IL31RA: variants seen among roughly 807,000 people sequenced by gnomAD.
IL31RA encodes the protein interleukin 31 receptor A, also known as interleukin-31 receptor subunit alpha.
Under a neutral mutation model 83.7 loss-of-function variants are expected in IL31RA, and 66 were observed. The observed-to-expected ratio is 0.79, with a 90% CI of 0.65 to 0.97. IL31RA has a LOEUF of 0.97. IL31RA is among the 50% of genes least tolerant of loss of function. The pLI is 0.00. For missense variants in IL31RA, 798 were observed against 919.4 expected, an observed-to-expected ratio of 0.87 and a Z score of 1.71; for synonymous variants, 325 against 329.0, an observed-to-expected ratio of 0.99 and a Z score of 0.13.
chr5:55,914,958 C>A, intron 14 of IL31RA, 30 bp downstream of exon 14: 1 of 1,514,280 alleles, frequency 6.6e-7, no homozygotes, highest in Non-Finnish European at 9.2e-7. Flanking sequence ...TTAAGGAAAT[C>A]ATTGCCGTGG....
rs779433847 is a variant in IL31RA, at chr5:55,908,251, T to A, written c.1355-14T>A. 1 of 1,614,008 alleles carries A rather than the reference T, an allele frequency of 6.2e-7. No individual in the cohort carries two copies. Among genetic ancestry groups the A allele is most frequent in the Admixed American group, 1.7e-5 (1 of 60,024 alleles). ...CGGTTCAGTGATTATCATTTATCCC[T>A]CTGTCCTTTCCAGTTCCATCAGAAG... On this transcript the variant is annotated splice_polypyrimidine_tract_variant and intron_variant, in intron 10 of 14. Transcript: ENST00000652347.
At chr5:55,861,672 C>G (rs766202515) in intron 2 of IL31RA, among the ~76,000 whole-genome samples, 1 of 152,170 alleles carries the variant, frequency 6.6e-6, no homozygotes, top group Non-Finnish European at 1.5e-5. Context: ...TCAGCAATTG[C>G]TCCCAGTTAT....
chr5:55,896,536 C>T (rs561102797), intron 7 of IL31RA, 107 bp downstream of exon 7: 2 of 637,804 alleles, frequency 3.1e-6, no homozygotes, highest in Non-Finnish European at 5.6e-6. Flanking sequence ...CTTCCCTTCC[C>T]TTCCCTTCCC....
chr5:55,883,179 T>A lies in IL31RA; in HGVS notation c.590T>A (p.Val197Asp), dbSNP rs150832183. 209 of 1,613,792 alleles carry A rather than the reference T, an allele frequency of 1.3e-4. No individual in the cohort carries two copies. The highest frequency in any genetic ancestry group is 1.7e-4 in the Non-Finnish European group (200 of 1,179,788). ...AAATACACACTTCGATTCAGGACAGTCAACAGTACCAGCTGGGTAAGTTAT... is the reference window on the plus strand; with the variant it reads ...AAATACACACTTCGATTCAGGACAGACAACAGTACCAGCTGGGTAAGTTAT... ...DLKYTLRFRT[V>D]NSTSWMEVNF... Residue 197 changes from valine (V) to aspartate (D), a missense_variant, in exon 5 of 15, where the codon GTC (valine) becomes GAC (aspartate). Coordinates refer to ENST00000652347, the MANE Select transcript of IL31RA (RefSeq NM_139017.7).
Position 55,918,772 on chromosome 5 carries a change from C to T in IL31RA, c.*1652C>T, listed in dbSNP as rs1749938171. ...GCTGCTCTCTCAAAGCTCTGTCCTCCTAACATCTCCAGCGGCTGCAGCCAC... is the reference window on the plus strand; with the variant it reads ...GCTGCTCTCTCAAAGCTCTGTCCTCTTAACATCTCCAGCGGCTGCAGCCAC... On this transcript the variant is annotated 3_prime_UTR_variant, in exon 15 of 15. Coordinates refer to ENST00000652347, the MANE Select transcript of IL31RA (RefSeq NM_139017.7). Among the ~76,000 whole-genome samples the T allele has an allele frequency of 6.6e-6, 1 of 152,140 alleles. No homozygotes were observed. The highest frequency in any genetic ancestry group is 1.5e-5 in the Non-Finnish European group (1 of 68,024).
chr5:55,884,989 C>A (rs1319956880), intron 5 of IL31RA, among the ~76,000 whole-genome samples: 1 of 152,068 alleles, frequency 6.6e-6, no homozygotes, highest in Admixed American at 6.6e-5. Context: ...ATAACACTTC[C>A]TTCTATACCT....
Position 55,919,159 on chromosome 5 carries a change from C to G in IL31RA, c.*2039C>G, listed in dbSNP as rs569658907. ...TTCTAGCCTTGCCTCCTGTCTTGGC[C>G]CGAGGATGGGGGAGGGCACGGGTAC... On this transcript the variant is annotated 3_prime_UTR_variant, in exon 15 of 15. Transcript: ENST00000652347. 1.3e-4 allele frequency among the ~76,000 whole-genome samples: 20 copies of G among 152,216 alleles called. No individual in the cohort carries two copies. The highest frequency in any genetic ancestry group is 2.4e-4 in the Non-Finnish European group (16 of 68,028).
rs1749948802 is a variant in IL31RA, at chr5:55,918,881, G to A, written c.*1761G>A. Among the ~76,000 whole-genome samples the A allele has an allele frequency of 6.6e-6, 1 of 152,166 alleles. No homozygotes were observed. The highest frequency in any genetic ancestry group is 2.4e-5 in the African/African-American group (1 of 41,424). On this transcript the variant is annotated 3_prime_UTR_variant, in exon 15 of 15. Coordinates refer to ENST00000652347, the MANE Select transcript of IL31RA (RefSeq NM_139017.7). ...ACACCAAGGAATGAGGGAGGCCCGA[G>A]GCAGGGCACTGGGGAATAAGACTCT...
intron 2 of IL31RA, among the ~76,000 whole-genome samples, chr5:55,862,132 A>G (rs1745725848): frequency 6.6e-6 from 1 of 152,208 alleles, no homozygotes; most frequent in South Asian, 2.1e-4. Context: ...AGGGAAAGAA[A>G]GATGGGAGTG....
In IL31RA at chr5:55,903,790, G is replaced by A. The variant is rs1440374336; in HGVS notation, c.1070-2316G>A. On this transcript the variant is annotated intron_variant, in intron 8 of 14. Transcript: ENST00000652347. The surrounding 1 kb of genome is among the most constrained non-coding windows in gnomAD (Gnocchi z 4.7). ...AGCAGGCCAGGACAGGGCAGAGGCT[G>A]AGATGAAGGTGGGCTTTCAGGGCTG... 1.3e-5 allele frequency among the ~76,000 whole-genome samples: 2 copies of A among 152,232 alleles called. No individual in the cohort carries two copies. Among genetic ancestry groups the A allele is most frequent in the Non-Finnish European group, 2.9e-5 (2 of 68,040 alleles).
At chr5:55,845,133 T>C in the IL31RA span, among the ~76,000 whole-genome samples, 1 of 152,242 alleles carries the variant, frequency 6.6e-6, no homozygotes, top group Non-Finnish European at 1.5e-5. Flanking sequence ...TTTGTCTCTT[T>C]AAACTGTGTT....
intron 7 of IL31RA, among the ~76,000 whole-genome samples, chr5:55,899,610 C>T (rs192479882): frequency 6.6e-5 from 10 of 152,312 alleles, no homozygotes; most frequent in Admixed American, 3.9e-4. Context: ...CTCCTTTACA[C>T]GAGTGGGATG....
At chr5:55,847,992 C>T (rs1194957709), upstream of IL31RA, among the ~76,000 whole-genome samples, 3 of 152,156 alleles carry the variant, frequency 2.0e-5, no homozygotes, top group African/African-American at 7.2e-5. Context: ...GGAAAGAAAC[C>T]ACAAAGATGA....
chr5:55,918,914 T>C lies in IL31RA; in HGVS notation c.*1794T>C, dbSNP rs1749950276. On this transcript the variant is annotated 3_prime_UTR_variant, in exon 15 of 15. Transcript: ENST00000652347. ...ACTGGGGAATAAGACTCTAGGGCAATGCCCCTGTCCCGTTGTCCTGCACTC... is the reference window on the plus strand; with the variant it reads ...ACTGGGGAATAAGACTCTAGGGCAACGCCCCTGTCCCGTTGTCCTGCACTC... Among the ~76,000 whole-genome samples the C allele has an allele frequency of 6.6e-6, 1 of 152,074 alleles. No homozygotes were observed. Among genetic ancestry groups the C allele is most frequent in the Non-Finnish European group, 1.5e-5 (1 of 68,000 alleles).
At chr5:55,858,212 T>G (rs1248173623) in intron 1 of IL31RA, among the ~76,000 whole-genome samples, 1 of 152,212 alleles carries the variant, frequency 6.6e-6, no homozygotes, top group African/African-American at 2.4e-5. Flanking sequence ...TAGCATCTAT[T>G]ATTATTCATT....
chr5:55,888,339 C>T (rs1482573781), intron 5 of IL31RA, among the ~76,000 whole-genome samples: 2 of 152,134 alleles, frequency 1.3e-5, no homozygotes, highest in African/African-American at 4.8e-5. Flanking sequence ...GCCTTACAGG[C>T]ACCTTGATTA....
chr5:55,913,510 T>C lies in IL31RA; in HGVS notation c.1676T>C (p.Ile559Thr). The part of the protein sequence containing the change: ...VFEIILITSL[I>T]GGGLLILIIL... ...GAGATTATCCTCATAACTTCTCTGA[T>C]TGGTGGAGGCCTTCTTATTCTCATT... The change falls in exon 13 of 15, where the codon ATT becomes ACT. Residue 559 changes from isoleucine to threonine, a missense_variant. Transcript: ENST00000652347. The C allele has an allele frequency of 6.2e-7, 1 of 1,613,630 alleles. No homozygotes were observed. Among genetic ancestry groups the C allele is most frequent in the Non-Finnish European group, 8.5e-7 (1 of 1,179,512 alleles).
intron 4 of IL31RA, among the ~76,000 whole-genome samples, chr5:55,877,336 C>T (rs1449036922): frequency 1.3e-5 from 2 of 152,144 alleles, no homozygotes; most frequent in Admixed American, 6.5e-5. Flanking sequence ...GTTTTTCATA[C>T]ATTAGTCTTT....
At chr5:55,876,918 T>A (rs1018669077) in intron 4 of IL31RA, among the ~76,000 whole-genome samples, 7 of 152,166 alleles carry the variant, frequency 4.6e-5, no homozygotes, top group African/African-American at 1.7e-4. Context: ...TTTCTTTAAT[T>A]ATCTGCTGAT....
Sources: gnomAD v4.1 joint callset for allele counts (sites outside exome capture counted in the v4.1 genomes callset) on GRCh38, gnomAD v4.1.1 for gene constraint, Gnocchi (gnomAD v3.1) non-coding constraint, MANE v1.5 for transcripts, NCBI Gene and HGNC (gene_info 2026-07-23, HGNC 2026-07-21) for gene names.